The following DCLK1 variants were observed in gnomAD, a reference collection of about 807,000 sequenced individuals.
The protein encoded by DCLK1 is doublecortin like kinase 1.
DCLK1 carries 16 observed loss-of-function variants against 86.2 expected under a neutral mutation model. That is an observed-to-expected ratio of 0.19 (90% CI 0.13 to 0.28). The LOEUF (loss-of-function observed/expected upper bound fraction) is 0.28, where lower values mean the gene tolerates loss of function less well. Among genes scored for constraint, DCLK1 ranks in the 10% least tolerant of loss-of-function variants. DCLK1 has a pLI of 1.00. For synonymous variants in DCLK1, 369 were observed against 370.5 expected (o/e 1.00, Z 0.05); for missense variants, 590 against 940.2 (o/e 0.63, Z 4.87).
intron 3 of DCLK1, among the ~76,000 whole-genome samples, chr13:36,059,145 A>T (rs1883446472): frequency 6.6e-6 from 1 of 152,168 alleles, no homozygotes; most frequent in Non-Finnish European, 1.5e-5. Context: ...TCCATCCATC[A>T]TAGTGCTTTG....
chr13:36,016,161 G>C (rs979676632), intron 3 of DCLK1, among the ~76,000 whole-genome samples: 3 of 152,212 alleles, frequency 2.0e-5, no homozygotes, highest in South Asian at 2.1e-4. Flanking sequence ...CACTAGTCTG[G>C]GGGAACTGCT....
Position 35,967,045 on chromosome 13 carries a change from G to A in DCLK1, c.724-19588C>T, listed in dbSNP as rs7330225. 5.0e-3 allele frequency among the ~76,000 whole-genome samples: 760 copies of A among 150,926 alleles called. 6 individuals carry two copies. The highest frequency in any genetic ancestry group is 0.017 in the African/African-American group (698 of 41,022). ...AGCGCCTCTTCCTGGCCGTCATCCC[G>A]TCTAGGAAGTGAGGAGCGTCTCTGC... On this transcript the variant is annotated intron_variant, in intron 3 of 16. Coordinates refer to ENST00000360631, the MANE Select transcript of DCLK1 (RefSeq NM_001330071.2).
chr13:36,128,883 T>C (rs1305539016), intron 1 of DCLK1, among the ~76,000 whole-genome samples: 2 of 152,202 alleles, frequency 1.3e-5, no homozygotes, highest in African/African-American at 2.4e-5. Context: ...AGGATATTGG[T>C]AACTGCTCTT....
At chr13:35,900,175 T>C (rs2062759725) in intron 4 of DCLK1, among the ~76,000 whole-genome samples, 1 of 151,922 alleles carries the variant, frequency 6.6e-6, no homozygotes, top group Admixed American at 6.6e-5. Flanking sequence ...AAAAAACAAA[T>C]GTAATCAGGG....
intron 4 of DCLK1, among the ~76,000 whole-genome samples, chr13:35,918,915 C>T (rs1431530942): frequency 2.1e-3 from 10 of 4,798 alleles, no homozygotes; most frequent in Non-Finnish European, 8.0e-3. Flanking sequence ...TTTTTGGAAA[C>T]GGAGTCTCAC....
intron 4 of DCLK1, among the ~76,000 whole-genome samples, chr13:35,895,920 A>G (rs541638051): frequency 2.0e-5 from 2 of 98,970 alleles, no homozygotes; most frequent in Admixed American, 1.3e-4. Context: ...TACAAACGCC[A>G]GATTGATTTT....
chr13:36,033,709 T>C (rs1882377122), intron 3 of DCLK1, among the ~76,000 whole-genome samples: 1 of 152,170 alleles, frequency 6.6e-6, no homozygotes, highest in African/African-American at 2.4e-5. Context: ...GCGGATTACC[T>C]GAGGCCAGGA....
chr13:36,099,925 A>G (rs1885142840), intron 3 of DCLK1, among the ~76,000 whole-genome samples: 1 of 152,140 alleles, frequency 6.6e-6, no homozygotes, highest in African/African-American at 2.4e-5. Context: ...CCCTTTTCCT[A>G]TAAACTGTTG....
At position 35,996,604 on chromosome 13, in the gene DCLK1, C is replaced by A. The variant is rs1176425747; in HGVS notation, c.724-49147G>T. 2.0e-5 allele frequency among the ~76,000 whole-genome samples: 3 copies of A among 152,208 alleles called. No individual in the cohort carries two copies. In the East Asian group the frequency reaches 5.8e-4, roughly 29 times the overall value. On this transcript the variant is annotated intron_variant, in intron 3 of 16. Transcript: ENST00000360631. The stretch of plus-strand genomic sequence containing the variant: ...CCATTCTAGCAGATTTGAACTGCAA[C>A]ATCAGCTCTTCCTGAGTCTCCAGCT...
At chr13:35,989,524 G>A (rs558878919) in intron 3 of DCLK1, among the ~76,000 whole-genome samples, 15 of 152,070 alleles carry the variant, frequency 9.9e-5, no homozygotes, top group African/African-American at 3.1e-4. Flanking sequence ...CACCCGCCTC[G>A]GCTTCCCAAA....
At chr13:35,962,711 G>A (rs1438326060) in intron 3 of DCLK1, among the ~76,000 whole-genome samples, 2 of 152,140 alleles carry the variant, frequency 1.3e-5, no homozygotes, top group Non-Finnish European at 2.9e-5. Flanking sequence ...GTTTCAGAGG[G>A]TTTTAGAGGA....
At chr13:35,808,052 G>T (rs1298465073) in intron 14 of DCLK1, among the ~76,000 whole-genome samples, 172 bp downstream of exon 14, 1 of 152,174 alleles carries the variant, frequency 6.6e-6, no homozygotes, top group Admixed American at 6.5e-5. Flanking sequence ...GGGATGTCTG[G>T]GAACAGATGA....
chr13:35,876,691 T>C (rs561015523), intron 4 of DCLK1, among the ~76,000 whole-genome samples: 2 of 152,264 alleles, frequency 1.3e-5, no homozygotes, highest in South Asian at 2.1e-4. Context: ...CAAAGGACAT[T>C]TTCATAGCCT....
intron 3 of DCLK1, among the ~76,000 whole-genome samples, chr13:36,087,575 A>G (rs1262395172): frequency 6.6e-6 from 1 of 152,204 alleles, no homozygotes; most frequent in African/African-American, 2.4e-5. Context: ...AGAAATTTGC[A>G]GCCTAGTGGC....
intron 3 of DCLK1, among the ~76,000 whole-genome samples, chr13:35,977,590 C>A (rs990224706): frequency 1.2e-4 from 18 of 149,088 alleles, no homozygotes; most frequent in African/African-American, 3.2e-4. Context: ...GTCTAATGGG[C>A]TATTTTTTTT....
chr13:35,973,127 AGG>A (rs2153139898), intron 3 of DCLK1, among the ~76,000 whole-genome samples: 1 of 152,246 alleles, frequency 6.6e-6, no homozygotes, highest in Non-Finnish European at 1.5e-5. Flanking sequence ...AAGGGAGGAG[AGG>A]CAGAAGGAGG....
At chr13:35,843,123 A>G (rs1453711328) in intron 6 of DCLK1, among the ~76,000 whole-genome samples, 4 of 152,154 alleles carry the variant, frequency 2.6e-5, no homozygotes, top group Non-Finnish European at 5.9e-5. Flanking sequence ...GAATCAATTT[A>G]CCTTTTTGGT....
intron 16 of DCLK1, among the ~76,000 whole-genome samples, chr13:35,783,037 CAT>C (rs1220968998): frequency 2.0e-5 from 3 of 152,250 alleles, no homozygotes; most frequent in African/African-American, 7.2e-5. Flanking sequence ...GCCCATTGGC[CAT>C]AGTTTGCCAA....
At chr13:36,091,018 C>T (rs1884806873) in intron 3 of DCLK1, among the ~76,000 whole-genome samples, 1 of 152,198 alleles carries the variant, frequency 6.6e-6, no homozygotes, top group Admixed American at 6.5e-5. Context: ...ATGTCCTTCA[C>T]CCGCTTTTTG....
Sources: allele counts gnomAD v4.1 joint callset (sites outside exome capture counted in the v4.1 genomes callset), GRCh38; gene constraint gnomAD v4.1.1; transcripts MANE v1.5; gene names NCBI Gene and HGNC (gene_info 2026-07-23, HGNC 2026-07-21).